NPAS4: variants seen among roughly 807,000 people sequenced by gnomAD.
The protein encoded by NPAS4 is neuronal PAS domain protein 4, also known as neuronal PAS domain-containing protein 4.
In NPAS4, 10 loss-of-function variants were observed where a neutral mutation model predicts 64.0. That is an observed-to-expected ratio of 0.16 (90% CI 0.10 to 0.26). NPAS4 has a LOEUF of 0.26. Ranked by LOEUF, NPAS4 falls within the 10% of genes least tolerant of loss-of-function variation. NPAS4 has a pLI of 1.00. For synonymous variants in NPAS4, 441 were observed against 411.7 expected (o/e 1.07, Z -0.86); for missense variants, 886 against 992.6 (o/e 0.89, Z 1.44).
In NPAS4 at chr11:66,422,163, G is replaced by C; in HGVS notation, c.219G>C (p.Glu73Asp). 2.5e-6 allele frequency: 4 copies of C among 1,614,120 alleles called. No individual in the cohort carries two copies. The highest frequency in any genetic ancestry group is 2.5e-6 in the Non-Finnish European group (3 of 1,180,006). ...AGPTGLLSAQELEDIVAALPG... is the reference protein window; with the variant it reads ...AGPTGLLSAQDLEDIVAALPG... ...CCACGGGGCTTCTCTCAGCTCAAGAGCTTGAGGACATCGTAGCGGCACTAC... is the reference window on the plus strand; with the variant it reads ...CCACGGGGCTTCTCTCAGCTCAAGACCTTGAGGACATCGTAGCGGCACTAC... The change falls in exon 2 of 8, where the codon GAG becomes GAC. Residue 73 changes from glutamate (E) to aspartate (D), a missense_variant. By Grantham distance (45) the Glu-to-Asp change is conservative. Coordinates refer to ENST00000311034, the MANE Select transcript of NPAS4 (RefSeq NM_178864.4).
the NPAS4 span, among the ~76,000 whole-genome samples, chr11:66,415,616 T>G: frequency 6.6e-6 from 1 of 152,224 alleles, no homozygotes; most frequent in Non-Finnish European, 1.5e-5. Context: ...AATAAAACTT[T>G]ATTTACAAAA....
upstream of NPAS4, among the ~76,000 whole-genome samples, chr11:66,420,035 T>A (rs1034832872): frequency 6.6e-6 from 1 of 152,158 alleles, no homozygotes; most frequent in Non-Finnish European, 1.5e-5. Context: ...GGAGGATTCC[T>A]GTCCTAATAT....
the NPAS4 span, chr11:66,410,932 G>T: frequency 6.6e-6 from 1 of 152,252 alleles, no homozygotes; most frequent in Non-Finnish European, 1.5e-5. Flanking sequence ...TGACCTGGGG[G>T]TCTGTTTTGT....
At chr11:66,414,111 G>C in the NPAS4 span, among the ~76,000 whole-genome samples, 1 of 152,224 alleles carries the variant, frequency 6.6e-6, no homozygotes, top group Non-Finnish European at 1.5e-5. Context: ...AGGGTGCAGA[G>C]TGCGGTGACG....
intron 1 of NPAS4, 60 bp from the exon 2 acceptor site, chr11:66,422,060 C>T: frequency 6.7e-7 from 1 of 1,484,466 alleles, no homozygotes; most frequent in Non-Finnish European, 9.3e-7. Flanking sequence ...CCATGCCTTC[C>T]TCACTTCTTC....
the NPAS4 span, chr11:66,410,978 G>T: frequency 6.6e-6 from 1 of 152,336 alleles, no homozygotes; most frequent in Non-Finnish European, 1.5e-5. Context: ...CCAATGGTGA[G>T]TCCCCTGGTG....
At position 66,426,016 on chromosome 11, in the gene NPAS4, G is replaced by A; in HGVS notation, c.*27G>A. The A allele has an allele frequency of 6.3e-7, 1 of 1,592,290 alleles. No homozygotes were observed. The highest frequency in any genetic ancestry group is 8.6e-7 in the Non-Finnish European group (1 of 1,160,758). ...TAAGTCTGTGACTTAACGTCGTCAA[G>A]TATGGCATATTGTCATCAAGACGTG... is the stretch of plus-strand genomic sequence containing the variant. On this transcript the variant is annotated 3_prime_UTR_variant, in exon 8 of 8. Coordinates refer to ENST00000311034, the MANE Select transcript of NPAS4 (RefSeq NM_178864.4).
chr11:66,421,844 T>C (rs896058140), intron 1 of NPAS4, among the ~76,000 whole-genome samples: 1 of 152,208 alleles, frequency 6.6e-6, no homozygotes, highest in Non-Finnish European at 1.5e-5. Flanking sequence ...TGTCCGCGGT[T>C]CTGAAATTCA....
chr11:66,415,000 G>C, the NPAS4 span, among the ~76,000 whole-genome samples: 2 of 152,146 alleles, frequency 1.3e-5, no homozygotes, highest in African/African-American at 4.8e-5. Flanking sequence ...TGGAGGCTTC[G>C]GGAGGCCCAA....
chr11:66,416,382 G>A (rs1856669613), upstream of NPAS4, among the ~76,000 whole-genome samples: 1 of 152,182 alleles, frequency 6.6e-6, no homozygotes, highest in Non-Finnish European at 1.5e-5. Context: ...AGGAAACAAG[G>A]AATCCCTTTC....
the NPAS4 span, among the ~76,000 whole-genome samples, chr11:66,411,202 G>A: frequency 6.6e-6 from 1 of 152,186 alleles, no homozygotes; most frequent in African/African-American, 2.4e-5. Context: ...CTGAAACTGG[G>A]GCTTGGGGTT....
Position 66,424,441 on chromosome 11 carries a change from C to A in NPAS4, c.1551C>A (p.Ala517=), listed in dbSNP as rs756830387. 1 of 1,614,118 alleles carries A rather than the reference C, an allele frequency of 6.2e-7. No individual in the cohort carries two copies. Among genetic ancestry groups the A allele is most frequent in the South Asian group, 1.1e-5 (1 of 91,080 alleles). Reference sequence around the variant, plus strand: ...CAGACCAGCTGCTTCCCAGCACAGCCACCTTCCCAGAGCCTCTGGGCAGCC... The same window carrying A: ...CAGACCAGCTGCTTCCCAGCACAGCAACCTTCCCAGAGCCTCTGGGCAGCC... ...TFPDQLLPST[A]TFPEPLGSPA... The change falls in exon 7 of 8, where the codon GCC becomes GCA. Residue 517 remains alanine (A), a synonymous_variant. Transcript: ENST00000311034.
In NPAS4 at chr11:66,423,019, G is replaced by A. The variant is rs554371060; in HGVS notation, c.698+78G>A. ...ACCCTAGATTCTGGAGTCAGGGGCA[G>A]GGAGGATGGGGTTTAGGGGGGCAGA... On this transcript the variant is annotated intron_variant, in intron 4 of 7. Coordinates refer to ENST00000311034, the MANE Select transcript of NPAS4 (RefSeq NM_178864.4). 39 of 1,545,254 alleles carry A rather than the reference G, an allele frequency of 2.5e-5. No individual in the cohort carries two copies. In the African/African-American group the frequency reaches 4.9e-4, roughly 19 times the overall value.
At chr11:66,425,917 A>C in intron 7 of NPAS4, 44 bp from the exon 8 acceptor site, 1 of 1,480,746 alleles carries the variant, frequency 6.8e-7, no homozygotes, top group Non-Finnish European at 9.4e-7. Flanking sequence ...CCTCTGTGCT[A>C]ATTGGTCTAA....
chr11:66,426,265 G>C lies in NPAS4; in HGVS notation c.*276G>C, dbSNP rs562495723. On this transcript the variant is annotated 3_prime_UTR_variant, in exon 8 of 8. Transcript: ENST00000311034. The stretch of plus-strand genomic sequence containing the variant: ...TGAATGGGATTTCAAGCGGAGAATG[G>C]GGGAGTCTCACTTCCCCGCCGCCTT... 2.5e-6 allele frequency: 1 copy of C among 396,388 alleles called. No homozygotes were observed. Among genetic ancestry groups the C allele is most frequent in the Non-Finnish European group, 4.7e-6 (1 of 214,432 alleles). 24.6% of individuals were successfully genotyped at this position (396,388 alleles called of 1,614,324 possible).
chr11:66,415,698 A>G, the NPAS4 span, among the ~76,000 whole-genome samples: 1 of 152,338 alleles, frequency 6.6e-6, no homozygotes, highest in African/African-American at 2.4e-5. Context: ...CACGTGGTGC[A>G]AAAGAGAAAG....
In NPAS4 at chr11:66,424,879, A is replaced by T; in HGVS notation, c.1989A>T (p.Gly663=). Reference sequence around the variant, plus strand: ...GCACTGGCGGACTAGAGCCACTTGGAGGACTGGAGCCCCTGGACTCCAACC... The same window carrying T: ...GCACTGGCGGACTAGAGCCACTTGGTGGACTGGAGCCCCTGGACTCCAACC... ...EAGTGGLEPL[G]GLEPLDSNLS... is the part of the protein sequence containing the mutation. Residue 663 remains glycine (G), a synonymous_variant, in exon 7 of 8, where the codon GGA becomes GGT. Coordinates refer to ENST00000311034, the MANE Select transcript of NPAS4 (RefSeq NM_178864.4). 1 of 1,613,168 alleles carries T rather than the reference A, an allele frequency of 6.2e-7. No individual in the cohort carries two copies. The highest frequency in any genetic ancestry group is 1.1e-5 in the South Asian group (1 of 90,992).
At chr11:66,414,411 G>T in the NPAS4 span, among the ~76,000 whole-genome samples, 1 of 152,058 alleles carries the variant, frequency 6.6e-6, no homozygotes, top group Non-Finnish European at 1.5e-5. Context: ...CTGCCTTCAG[G>T]ACATTGCCCA....
upstream of NPAS4, among the ~76,000 whole-genome samples, chr11:66,418,577 C>G (rs577569963): frequency 6.6e-6 from 1 of 152,142 alleles, no homozygotes; most frequent in African/African-American, 2.4e-5. Context: ...TAGGATGAGC[C>G]CTTCTCTACC....
Sources: gnomAD v4.1 joint callset for allele counts (sites outside exome capture counted in the v4.1 genomes callset) on GRCh38, gnomAD v4.1.1 for gene constraint, MANE v1.5 for transcripts, NCBI Gene and HGNC (gene_info 2026-07-23, HGNC 2026-07-21) for gene names.